Variants in TRIO observed in about 807,000 individuals in gnomAD.
TRIO encodes the protein trio Rho guanine nucleotide exchange factor.
TRIO carries 58 observed loss-of-function variants against 351.9 expected under a neutral mutation model. The observed-to-expected ratio is 0.16, with a 90% confidence interval of 0.13 to 0.21. The LOEUF is 0.21. Among genes scored for constraint, TRIO ranks in the 10% least tolerant of loss-of-function variants. The probability of loss-of-function intolerance (pLI) is 1.00; values close to 1 mark genes in which losing one functional copy is unlikely to be tolerated. For missense variants in TRIO, 3,201 were observed against 4,027.8 expected (o/e 0.79, Z 5.56); for synonymous variants, 1,758 against 1,595.7 (o/e 1.10, Z -2.42).
At chr5:14,423,728 G>A (rs151312334) in intron 34 of TRIO, among the ~76,000 whole-genome samples, 193 of 152,156 alleles carry the variant, frequency 1.3e-3, no homozygotes, top group African/African-American at 4.6e-3. Flanking sequence ...TGGAGTGCCT[G>A]GCATGAATCT....
intron 1 of TRIO, among the ~76,000 whole-genome samples, chr5:14,235,993 C>A (rs1467220291): frequency 1.3e-5 from 2 of 151,928 alleles, no homozygotes; most frequent in African/African-American, 4.8e-5. Flanking sequence ...TTCGATGATA[C>A]ATAAAACTTA....
intron 30 of TRIO, among the ~76,000 whole-genome samples, chr5:14,400,164 C>T (rs1232802769): frequency 6.6e-6 from 1 of 152,148 alleles, no homozygotes; most frequent in Non-Finnish European, 1.5e-5. Flanking sequence ...CATTTTAGGT[C>T]ACATTCTGAC....
intron 1 of TRIO, among the ~76,000 whole-genome samples, chr5:14,242,762 A>G (rs908040904): frequency 1.3e-5 from 2 of 152,150 alleles, no homozygotes; most frequent in South Asian, 4.1e-4. Flanking sequence ...TTTTTTTTAC[A>G]GAGATGAGGT....
intron 8 of TRIO, among the ~76,000 whole-genome samples, chr5:14,313,892 C>T (rs1415636512): frequency 6.6e-6 from 1 of 152,168 alleles, no homozygotes; most frequent in Non-Finnish European, 1.5e-5. Context: ...TATATGTAAG[C>T]AAGGCTGGGA....
In TRIO at chr5:14,508,351, C is replaced by T; in HGVS notation, c.9223C>T (p.His3075Tyr). 6.2e-7 allele frequency: 1 copy of T among 1,614,044 alleles called. No individual in the cohort carries two copies. ...RLTSFIERRKHQNDVRPIRSI... is the reference protein window; with the variant it reads ...RLTSFIERRKYQNDVRPIRSI... The stretch of plus-strand genomic sequence containing the variant: ...GACTTCCTTCATTGAGCGGCGCAAA[C>T]ACCAGAATGATGTTCGACCTATCCG... Residue 3075 changes from histidine to tyrosine, a missense_variant, in exon 57 of 57, where the codon CAC becomes TAC. His to Tyr is a moderately conservative substitution (Grantham distance 83). Around this residue, in one of 19 missense-constraint regions of TRIO, gnomAD observed 233 missense variants for 292.6 expected, o/e 0.80. Coordinates refer to ENST00000344204, the MANE Select transcript of TRIO (RefSeq NM_007118.4).
chr5:14,407,188 G>A (rs543601341), intron 33 of TRIO, among the ~76,000 whole-genome samples: 2 of 152,204 alleles, frequency 1.3e-5, no homozygotes, highest in Non-Finnish European at 2.9e-5. Context: ...GCCCTTTATT[G>A]TGTCCAGGAC....
chr5:14,201,307 T>C (rs1055763447), intron 1 of TRIO, among the ~76,000 whole-genome samples: 1 of 152,226 alleles, frequency 6.6e-6, no homozygotes, highest in African/African-American at 2.4e-5. Context: ...ATCTATTTTT[T>C]AGAGTAATTT....
At chr5:14,338,587 T>G (rs1471463593) in intron 11 of TRIO, among the ~76,000 whole-genome samples, 2 of 152,200 alleles carry the variant, frequency 1.3e-5, no homozygotes, top group African/African-American at 4.8e-5. Flanking sequence ...GAAAACAGAT[T>G]GTGGCATAGT....
chr5:14,397,312 C>T (rs1214851438), intron 29 of TRIO, 158 bp downstream of exon 29: 2 of 626,618 alleles, frequency 3.2e-6, no homozygotes, highest in Non-Finnish European at 5.4e-6. Flanking sequence ...TTCTTGAGGA[C>T]CACATAAAAT....
At chr5:14,344,283 C>G (rs1561367015) in intron 11 of TRIO, among the ~76,000 whole-genome samples, 1 of 152,178 alleles carries the variant, frequency 6.6e-6, no homozygotes, top group Non-Finnish European at 1.5e-5. Flanking sequence ...TTTACATAGA[C>G]TGCGGTATCT....
rs116278284 is a variant in TRIO, at chr5:14,346,718, A to G, written c.2046+9991A>G. ...CATGTGGTGGAATTAGTGGGCAGGC[A>G]TTTGACCAGGCCTTTCAACATTTAA... On this transcript the variant is annotated intron_variant, in intron 11 of 56. Coordinates refer to ENST00000344204, the MANE Select transcript of TRIO (RefSeq NM_007118.4). 4.9e-3 allele frequency among the ~76,000 whole-genome samples: 741 copies of G among 152,354 alleles called. 5 individuals carry two copies. Among genetic ancestry groups the G allele is most frequent in the African/African-American group, 0.016 (660 of 41,584 alleles).
chr5:14,336,878 A>T, intron 11 of TRIO, 151 bp downstream of exon 11: 1 of 838,728 alleles, frequency 1.2e-6, no homozygotes, highest in Non-Finnish European at 1.9e-6. Context: ...GTCTGCGTGG[A>T]CAGGGAAAAG....
At chr5:14,249,857 C>T (rs569283295) in intron 1 of TRIO, among the ~76,000 whole-genome samples, 2 of 152,242 alleles carry the variant, frequency 1.3e-5, no homozygotes, top group East Asian at 3.9e-4. Flanking sequence ...GTATAAATCA[C>T]CCACCCTCAG....
chr5:14,350,638 C>T (rs747123091), intron 11 of TRIO, among the ~76,000 whole-genome samples: 12 of 152,196 alleles, frequency 7.9e-5, no homozygotes, highest in Non-Finnish European at 1.0e-4. Flanking sequence ...CCCATCTTAA[C>T]GTGCATAGCT....
intron 1 of TRIO, among the ~76,000 whole-genome samples, chr5:14,220,413 T>TTTC (rs1792540257): frequency 6.6e-6 from 1 of 152,174 alleles, no homozygotes; most frequent in South Asian, 2.1e-4. Context: ...GGCCAGTTAA[T>TTTC]AAATCCAACT....
At chr5:14,289,804 G>A (rs1736753504) in intron 4 of TRIO, among the ~76,000 whole-genome samples, 1 of 152,012 alleles carries the variant, frequency 6.6e-6, no homozygotes, top group Non-Finnish European at 1.5e-5. Context: ...AGCTGAGACT[G>A]CGCCACTGCA....
intron 20 of TRIO, among the ~76,000 whole-genome samples, chr5:14,380,388 G>A (rs1318129619): frequency 1.3e-5 from 2 of 151,978 alleles, no homozygotes; most frequent in Non-Finnish European, 1.5e-5. Flanking sequence ...TCCAGGAGGC[G>A]CAGACCTCTG....
intron 34 of TRIO, among the ~76,000 whole-genome samples, chr5:14,434,539 T>C (rs933955740): frequency 1.3e-5 from 2 of 152,174 alleles, no homozygotes. Flanking sequence ...TACAGAAAAG[T>C]GACAAAAATA....
intron 37 of TRIO, 33 bp from the exon 38 acceptor site, chr5:14,471,285 G>T (rs1450044877): frequency 6.2e-7 from 1 of 1,608,276 alleles, no homozygotes; most frequent in Admixed American, 1.7e-5. Flanking sequence ...GCTGTGGGCA[G>T]TAAGTGTTGT....
Sources: gnomAD v4.1 joint callset for allele counts (sites outside exome capture counted in the v4.1 genomes callset) on GRCh38, gnomAD v4.1.1 for gene constraint, gnomAD v4.1.1 regional missense constraint, MANE v1.5 for transcripts, NCBI Gene and HGNC (gene_info 2026-07-23, HGNC 2026-07-21) for gene names.